The following RTN4RL1 variants were observed in gnomAD, a reference collection of about 807,000 sequenced individuals.
RTN4RL1 encodes reticulon-4 receptor-like 1.
A neutral mutation model predicts 25.6 loss-of-function variants in RTN4RL1; 7 were observed. The observed-to-expected ratio is 0.27, with a 90% CI of 0.16 to 0.51. RTN4RL1 has a LOEUF of 0.51. Among genes scored for constraint, RTN4RL1 ranks in the 20% least tolerant of loss-of-function variants. RTN4RL1 has a pLI of 0.97. For missense variants in RTN4RL1, 500 were observed against 615.6 expected, an observed-to-expected ratio of 0.81 and a Z score of 1.99; for synonymous variants, 297 against 288.2, an observed-to-expected ratio of 1.03 and a Z score of -0.31.
chr17:1,963,613 T>C (rs1035875907), intron 1 of RTN4RL1, among the ~76,000 whole-genome samples: 2 of 152,258 alleles, frequency 1.3e-5, no homozygotes, highest in African/African-American at 4.8e-5. Context: ...GAGCGGATTT[T>C]GAGGTGAGAA....
At chr17:1,959,078 C>T (rs890226024) in intron 1 of RTN4RL1, among the ~76,000 whole-genome samples, 1 of 152,210 alleles carries the variant, frequency 6.6e-6, no homozygotes, top group Non-Finnish European at 1.5e-5. Context: ...TGGGCTCCCC[C>T]GGCCTCCACC....
Position 1,948,988 on chromosome 17 carries a change from G to A in RTN4RL1, c.14-11180C>T, listed in dbSNP as rs188179646. Among the ~76,000 whole-genome samples, 141 of 146,522 alleles carry A rather than the reference G, an allele frequency of 9.6e-4. 1 individual carries two copies. The East Asian group carries it at 0.024, about 25-fold the overall frequency. On this transcript the variant is annotated intron_variant, in intron 1 of 1. Coordinates refer to ENST00000331238, the MANE Select transcript of RTN4RL1 (RefSeq NM_178568.4). ...TTGTTTTTTTTTGAGACGGAGTCTC[G>A]CTCTGTCGCCCAGGCTGGAGTGCAG...
chr17:2,021,854 CTTTTTTTTTTT>C (rs869227846), intron 1 of RTN4RL1, among the ~76,000 whole-genome samples: 1 of 88,352 alleles, frequency 1.1e-5, no homozygotes, highest in Non-Finnish European at 2.1e-5. Flanking sequence ...TGTGCCCGGT[CTTTTTTTTTTT>C]TTTTTTTTTT....
At chr17:1,977,711 C>G (rs1269992330) in intron 1 of RTN4RL1, among the ~76,000 whole-genome samples, 1 of 152,052 alleles carries the variant, frequency 6.6e-6, no homozygotes, top group Non-Finnish European at 1.5e-5. Context: ...AGGAGAGACC[C>G]GGAGCAGCCA....
chr17:1,948,175 G>A (rs1915597733), intron 1 of RTN4RL1, among the ~76,000 whole-genome samples: 1 of 152,212 alleles, frequency 6.6e-6, no homozygotes, highest in African/African-American at 2.4e-5. Context: ...TACGGCTGCA[G>A]GTGGAAACAG....
chr17:1,984,532 A>T (rs953328675), intron 1 of RTN4RL1, among the ~76,000 whole-genome samples: 2 of 152,144 alleles, frequency 1.3e-5, no homozygotes, highest in Non-Finnish European at 1.5e-5. Context: ...GCCTGGCCCC[A>T]TCCCAGCTTC....
intron 1 of RTN4RL1, among the ~76,000 whole-genome samples, chr17:1,972,485 C>G (rs2151313579): frequency 6.6e-6 from 1 of 152,230 alleles, no homozygotes; most frequent in South Asian, 2.1e-4. Flanking sequence ...CAGGCCACCC[C>G]TCCTGCTCCC....
At chr17:1,943,783 A>T (rs761834239) in intron 1 of RTN4RL1, among the ~76,000 whole-genome samples, 46 of 152,264 alleles carry the variant, frequency 3.0e-4, no homozygotes, top group Non-Finnish European at 5.3e-4. Context: ...GGAGACATGG[A>T]AGCCAGCCAG....
intron 1 of RTN4RL1, among the ~76,000 whole-genome samples, chr17:1,974,200 C>T (rs2066832868): frequency 6.6e-6 from 1 of 152,058 alleles, no homozygotes; most frequent in Non-Finnish European, 1.5e-5. Context: ...ATTAGCCAGA[C>T]ACAGTGGCCT....
At chr17:1,967,248 GACAAAACAA>G (rs79177151) in intron 1 of RTN4RL1, among the ~76,000 whole-genome samples, 33,206 of 151,698 alleles carry the variant, frequency 0.22, 3,959 homozygotes, top group Middle Eastern at 0.28. Context: ...CAGCAAATTC[GACAAAACAA>G]ACAAAACAAA....
At chr17:2,024,232 C>T (rs530227583) in intron 1 of RTN4RL1, among the ~76,000 whole-genome samples, 23 of 152,346 alleles carry the variant, frequency 1.5e-4, no homozygotes, top group African/African-American at 4.8e-4. Context: ...GGCGGCACGG[C>T]TTTCGCGTCC....
intron 1 of RTN4RL1, among the ~76,000 whole-genome samples, chr17:2,018,788 T>A (rs536386440): frequency 6.6e-6 from 1 of 150,808 alleles, no homozygotes; most frequent in South Asian, 2.1e-4. Context: ...AGGGTGGGGG[T>A]GGAGGTGGCA....
intron 1 of RTN4RL1, among the ~76,000 whole-genome samples, chr17:1,939,700 A>G (rs2151304344): frequency 6.6e-6 from 1 of 152,338 alleles, no homozygotes; most frequent in East Asian, 1.9e-4. Context: ...TGGTCGGATA[A>G]TAGCCCCGTG....
At chr17:1,961,873 G>A (rs1219493156) in intron 1 of RTN4RL1, among the ~76,000 whole-genome samples, 2 of 149,854 alleles carry the variant, frequency 1.3e-5, no homozygotes, top group Non-Finnish European at 3.0e-5. Context: ...GCTCGAACCC[G>A]GGAGGTGGAG....
At chr17:2,018,755 G>GA (rs2151330283) in intron 1 of RTN4RL1, among the ~76,000 whole-genome samples, 1 of 152,160 alleles carries the variant, frequency 6.6e-6, no homozygotes, top group Admixed American at 6.5e-5. Context: ...TGACACGGAG[G>GA]AATGAGCACA....
chr17:1,987,971 T>C (rs921357877), intron 1 of RTN4RL1, among the ~76,000 whole-genome samples: 3 of 151,852 alleles, frequency 2.0e-5, no homozygotes, highest in Non-Finnish European at 2.9e-5. Flanking sequence ...CCGGGTGTGG[T>C]GGCACACACC....
chr17:1,949,160 C>T (rs1473477831), intron 1 of RTN4RL1, among the ~76,000 whole-genome samples: 1 of 151,750 alleles, frequency 6.6e-6, no homozygotes, highest in Non-Finnish European at 1.5e-5. Flanking sequence ...ACGGGGTTTT[C>T]TTGTGTTAGC....
intron 1 of RTN4RL1, among the ~76,000 whole-genome samples, chr17:1,992,837 C>A (rs1017022452): frequency 2.1e-4 from 32 of 152,240 alleles, no homozygotes; most frequent in African/African-American, 7.7e-4. Flanking sequence ...CGCCTGCTGA[C>A]GATGGCTGCC....
intron 1 of RTN4RL1, among the ~76,000 whole-genome samples, chr17:1,986,940 C>T (rs2066889933): frequency 1.3e-5 from 2 of 151,992 alleles, no homozygotes; most frequent in African/African-American, 4.8e-5. Context: ...TTGAGGACAT[C>T]TCTAAGCCGC....
Sources: gnomAD v4.1 joint callset for allele counts (sites outside exome capture counted in the v4.1 genomes callset) on GRCh38, gnomAD v4.1.1 for gene constraint, MANE v1.5 for transcripts, NCBI Gene and HGNC (gene_info 2026-07-23, HGNC 2026-07-21) for gene names.